Variants in GALNT10 observed in about 807,000 individuals in gnomAD.
The protein encoded by GALNT10 is polypeptide N-acetylgalactosaminyltransferase 10, also known as GalNAc transferase 10.
Under a neutral mutation model 75.0 loss-of-function variants are expected in GALNT10, and 41 were observed. The observed-to-expected ratio is 0.55, with a 90% CI of 0.43 to 0.71. The LOEUF is 0.71. Among genes scored for constraint, GALNT10 ranks in the 30% least tolerant of loss-of-function variants. The probability of loss-of-function intolerance (pLI) is 0.00; values close to 1 mark genes in which losing one functional copy is unlikely to be tolerated. For synonymous variants in GALNT10, 302 were observed against 313.0 expected (o/e 0.96, Z 0.37); for missense variants, 727 against 818.5 (o/e 0.89, Z 1.36).
chr5:154,204,279 C>A (rs1203598454), intron 1 of GALNT10, among the ~76,000 whole-genome samples: 1 of 152,198 alleles, frequency 6.6e-6, no homozygotes, highest in Non-Finnish European at 1.5e-5. Flanking sequence ...CTGACTGCAT[C>A]TCTGAAACAG....
At chr5:154,194,706 T>C (rs1193239921) in intron 1 of GALNT10, among the ~76,000 whole-genome samples, 1 of 152,184 alleles carries the variant, frequency 6.6e-6, no homozygotes, top group Non-Finnish European at 1.5e-5. Flanking sequence ...AAAAGGCAAA[T>C]GCATATTGTA....
In GALNT10 at chr5:154,412,035, GT is replaced by G. The variant is rs1756407685; in HGVS notation, c.1387-853del. On this transcript the variant is annotated intron_variant, in intron 9 of 11. Coordinates refer to ENST00000297107, the MANE Select transcript of GALNT10 (RefSeq NM_198321.4). The surrounding 1 kb of genome is among the most constrained non-coding windows in gnomAD (Gnocchi z 4.2). The stretch of plus-strand genomic sequence containing the variant: ...GGAGTTCAACATCTCGCAAGAGTGG[GT>G]CTGCCTCACCCATTGGCTGGGATCC... Among the ~76,000 whole-genome samples the G allele has an allele frequency of 6.6e-6, 1 of 152,182 alleles. No homozygotes were observed. The highest frequency in any genetic ancestry group is 2.4e-5 in the African/African-American group (1 of 41,450).
At chr5:154,293,614 T>TATATATATATATATA (rs60780135) in intron 1 of GALNT10, among the ~76,000 whole-genome samples, 1 of 106,406 alleles carries the variant, frequency 9.4e-6, no homozygotes, top group South Asian at 2.5e-4. Context: ...TATATATATA[T>TATATATATATATATA]TTTTTTTTTC....
intron 1 of GALNT10, among the ~76,000 whole-genome samples, chr5:154,230,339 A>G (rs1204133985): frequency 6.6e-6 from 1 of 152,170 alleles, no homozygotes; most frequent in Non-Finnish European, 1.5e-5. Flanking sequence ...AGAAAACCTA[A>G]GTTCCTGTCC....
intron 1 of GALNT10, among the ~76,000 whole-genome samples, chr5:154,255,439 A>G (rs1004375878): frequency 6.6e-6 from 1 of 152,142 alleles, no homozygotes; most frequent in South Asian, 2.1e-4. Flanking sequence ...CAGAGATGTG[A>G]TATCATGAGG....
rs988842931 is a variant in GALNT10 at position 154,298,532 on chromosome 5, A to G, written c.401+453A>G. Among the ~76,000 whole-genome samples the G allele has an allele frequency of 6.6e-6, 1 of 152,232 alleles. No homozygotes were observed. The highest frequency in any genetic ancestry group is 2.4e-5 in the African/African-American group (1 of 41,462). On this transcript the variant is annotated intron_variant, in intron 3 of 11. Transcript: ENST00000297107. The surrounding 1 kb of genome is among the most constrained non-coding windows in gnomAD (Gnocchi z 4.1). ...AAAGATGACAACAATGGCATCTAACATTCTTTGAACCGGTACTATGTGCCA... is the reference window on the plus strand; with the variant it reads ...AAAGATGACAACAATGGCATCTAACGTTCTTTGAACCGGTACTATGTGCCA...
Position 154,415,812 on chromosome 5 carries a change from C to A in GALNT10, c.1533C>A (p.Ile511=). 6.2e-7 allele frequency: 1 copy of A among 1,614,168 alleles called. No homozygotes were observed. Among genetic ancestry groups the A allele is most frequent in the Non-Finnish European group, 8.5e-7 (1 of 1,180,008 alleles). ...QVFTFTWRED[I]RPGDPQHTKK... ...TCACCTTCACCTGGAGAGAGGACAT[C>A]CGGCCTGGAGACCCCCAGCACACCA... The change falls in exon 11 of 12, where the codon ATC becomes ATA. Residue 511 remains isoleucine, a synonymous_variant. Transcript: ENST00000297107.
chr5:154,289,672 G>A (rs565638737), intron 1 of GALNT10, among the ~76,000 whole-genome samples: 1 of 152,336 alleles, frequency 6.6e-6, no homozygotes, highest in African/African-American at 2.4e-5. Flanking sequence ...TTGTGAATTA[G>A]AATCACATGG....
intron 7 of GALNT10, among the ~76,000 whole-genome samples, chr5:154,394,343 A>AT (rs35488501): frequency 0.44 from 61,789 of 141,080 alleles, 15,687 homozygotes; most frequent in African/African-American, 0.7. Context: ...AAAAACTCTG[A>AT]TTTTTTTTTT....
intron 4 of GALNT10, among the ~76,000 whole-genome samples, chr5:154,336,471 G>A (rs1754947221): frequency 2.6e-5 from 4 of 152,160 alleles, no homozygotes; most frequent in Admixed American, 2.6e-4. Flanking sequence ...GAGAGTTCCT[G>A]CTGTTCCACC....
intron 1 of GALNT10, among the ~76,000 whole-genome samples, chr5:154,294,283 A>G (rs1042956111): frequency 6.6e-6 from 1 of 152,186 alleles, no homozygotes; most frequent in African/African-American, 2.4e-5. Context: ...GCAGTGAGCC[A>G]TCGTAGTGCC....
intron 1 of GALNT10, among the ~76,000 whole-genome samples, chr5:154,197,335 GTC>G (rs1287679479): frequency 1.3e-5 from 2 of 152,128 alleles, no homozygotes; most frequent in African/African-American, 2.4e-5. Context: ...AAGAACTTCT[GTC>G]TCTGCAGCTT....
intron 3 of GALNT10, among the ~76,000 whole-genome samples, chr5:154,308,449 A>G (rs778803901): frequency 2.6e-5 from 4 of 152,208 alleles, no homozygotes; most frequent in Non-Finnish European, 5.9e-5. Flanking sequence ...GTCTTCTCGA[A>G]TGGTGATGTA....
chr5:154,293,609 A>ATTTTTTTTTTTTTTTTTTTTTTTT (rs1466080479), intron 1 of GALNT10, among the ~76,000 whole-genome samples: 1 of 122,706 alleles, frequency 8.1e-6, no homozygotes. Context: ...ATATATATAT[A>ATTTTTTTTTTTTTTTTTTTTTTTT]TATATTTTTT....
chr5:154,263,561 A>G (rs640288), intron 1 of GALNT10, among the ~76,000 whole-genome samples: 37,209 of 152,072 alleles, frequency 0.24, 5,540 homozygotes, highest in African/African-American at 0.42. Context: ...ACCACAAACT[A>G]GATAGCTTAT....
chr5:154,293,609 A>ATTTTTTTTTTTTTTTTTT (rs1466080479), intron 1 of GALNT10, among the ~76,000 whole-genome samples: 1 of 122,704 alleles, frequency 8.1e-6, no homozygotes, highest in Non-Finnish European at 1.8e-5. Context: ...ATATATATAT[A>ATTTTTTTTTTTTTTTTTT]TATATTTTTT....
chr5:154,234,815 A>G (rs1335701475), intron 1 of GALNT10, among the ~76,000 whole-genome samples: 1 of 152,196 alleles, frequency 6.6e-6, no homozygotes. Context: ...AGCTGCCCCA[A>G]TAAGTATTGA....
chr5:154,380,416 T>G, intron 5 of GALNT10, 32 bp from the exon 6 acceptor site: 1 of 1,583,156 alleles, frequency 6.3e-7, no homozygotes, highest in Non-Finnish European at 8.7e-7. Flanking sequence ...CCCATCCTGC[T>G]TCATCTGATA....
intron 3 of GALNT10, among the ~76,000 whole-genome samples, chr5:154,324,230 G>C (rs988658313): frequency 2.0e-5 from 3 of 152,248 alleles, no homozygotes; most frequent in Non-Finnish European, 4.4e-5. Context: ...TGCAGATGCA[G>C]TGTCCCCAGC....
Sources: allele counts gnomAD v4.1 joint callset (sites outside exome capture counted in the v4.1 genomes callset), GRCh38; gene constraint gnomAD v4.1.1; non-coding constraint Gnocchi (gnomAD v3.1); transcripts MANE v1.5; gene names NCBI Gene and HGNC (gene_info 2026-07-23, HGNC 2026-07-21).